The following SCAPER variants were observed in gnomAD, a reference collection of about 807,000 sequenced individuals.
The protein encoded by SCAPER is S-phase cyclin A associated protein in the ER.
Under a neutral mutation model 182.2 loss-of-function variants are expected in SCAPER, and 98 were observed. That is an observed-to-expected ratio of 0.54 (90% CI 0.46 to 0.64). SCAPER has a LOEUF of 0.64. SCAPER is among the 30% of genes least tolerant of loss of function. The probability of loss-of-function intolerance (pLI) is 0.00; values close to 1 mark genes in which losing one functional copy is unlikely to be tolerated. For missense variants in SCAPER, 1,432 were observed against 1,690.0 expected (o/e 0.85, Z 2.68); for synonymous variants, 605 against 564.6 (o/e 1.07, Z -1.01).
At chr15:76,771,318 T>C (rs1351869200) in intron 10 of SCAPER, among the ~76,000 whole-genome samples, 1 of 152,088 alleles carries the variant, frequency 6.6e-6, no homozygotes, top group African/African-American at 2.4e-5. Context: ...ATAAATTTCA[T>C]CTTAAAGACC....
chr15:76,695,067 T>A (rs2058580751), intron 20 of SCAPER, among the ~76,000 whole-genome samples: 1 of 152,116 alleles, frequency 6.6e-6, no homozygotes. Flanking sequence ...ATTGATCAAA[T>A]TAAAACTGCA....
At chr15:76,361,096 C>T (rs2041381981) in intron 29 of SCAPER, among the ~76,000 whole-genome samples, 1 of 151,334 alleles carries the variant, frequency 6.6e-6, no homozygotes, top group Non-Finnish European at 1.5e-5. Context: ...GCAAATTCTC[C>T]TGGAGAGAGT....
intron 20 of SCAPER, among the ~76,000 whole-genome samples, chr15:76,698,241 T>TGA (rs1598228530): frequency 6.6e-6 from 1 of 151,910 alleles, no homozygotes; most frequent in East Asian, 1.9e-4. Flanking sequence ...TTTACGAAGG[T>TGA]GAAATTGAGA....
intron 21 of SCAPER, among the ~76,000 whole-genome samples, chr15:76,649,108 G>A (rs916902265): frequency 6.6e-6 from 1 of 151,676 alleles, no homozygotes; most frequent in African/African-American, 2.4e-5. Flanking sequence ...CTGCAGGAGA[G>A]AGAGCTGTTC....
At chr15:76,860,131 A>G (rs2071759369) in intron 3 of SCAPER, among the ~76,000 whole-genome samples, 1 of 152,042 alleles carries the variant, frequency 6.6e-6, no homozygotes, top group Non-Finnish European at 1.5e-5. Flanking sequence ...TGATTATTAT[A>G]TTTTCTTTCC....
intron 23 of SCAPER, among the ~76,000 whole-genome samples, chr15:76,546,739 GCA>G (rs1427649863): frequency 6.6e-6 from 1 of 151,926 alleles, no homozygotes; most frequent in African/African-American, 2.4e-5. Flanking sequence ...CATAATGGTA[GCA>G]CACTGTAAGT....
At chr15:76,556,512 C>T (rs1265704271) in intron 23 of SCAPER, among the ~76,000 whole-genome samples, 2 of 152,074 alleles carry the variant, frequency 1.3e-5, no homozygotes, top group Non-Finnish European at 2.9e-5. Flanking sequence ...AGAGATGATC[C>T]AAATAAATGC....
chr15:76,827,558 G>GA (rs555674004), intron 5 of SCAPER, among the ~76,000 whole-genome samples: 1 of 151,766 alleles, frequency 6.6e-6, no homozygotes, highest in South Asian at 2.1e-4. Context: ...ACTATAAAAA[G>GA]AAAAAAACTA....
chr15:76,807,367 T>C (rs1311319180), intron 5 of SCAPER, among the ~76,000 whole-genome samples: 2 of 152,226 alleles, frequency 1.3e-5, no homozygotes, highest in African/African-American at 4.8e-5. Context: ...TTTCATATGC[T>C]CAACCACTCT....
At chr15:76,545,384 A>G (rs1369116258) in intron 23 of SCAPER, among the ~76,000 whole-genome samples, 1 of 152,150 alleles carries the variant, frequency 6.6e-6, no homozygotes, top group East Asian at 1.9e-4. Flanking sequence ...TCATTTTAAG[A>G]AGAATACTTA....
At chr15:76,379,489 C>T (rs2042793426) in intron 28 of SCAPER, among the ~76,000 whole-genome samples, 1 of 151,216 alleles carries the variant, frequency 6.6e-6, no homozygotes. Context: ...TCTTTTTATC[C>T]CTAGAGACCC....
At chr15:76,861,214 C>A (rs1351558249) in intron 3 of SCAPER, among the ~76,000 whole-genome samples, 1 of 152,150 alleles carries the variant, frequency 6.6e-6, no homozygotes, top group East Asian at 1.9e-4. Flanking sequence ...TGTACTGTTT[C>A]AACAAAAACA....
chr15:76,436,266 C>T (rs544235017), intron 25 of SCAPER, among the ~76,000 whole-genome samples: 25 of 152,262 alleles, frequency 1.6e-4, no homozygotes, highest in Middle Eastern at 3.4e-3. Flanking sequence ...CAGGGTTTCA[C>T]CATGTTGGCC....
At position 76,439,764 on chromosome 15, in the gene SCAPER, A is replaced by AGG. The variant is rs371803164; in HGVS notation, c.3079-5455_3079-5454insCC. Among the ~76,000 whole-genome samples, 55 of 152,274 alleles carry AGG rather than the reference A, an allele frequency of 3.6e-4. 1 individual carries two copies. The East Asian group carries it at 8.7e-3, about 24-fold the overall frequency. On this transcript the variant is annotated intron_variant, in intron 25 of 31. Transcript: ENST00000563290. ...GTCTGTGGAGGGGCAGGGGAAGGTT[A>AGG]CCTTCCCAGCATGCATCAGTGTTTG...
At chr15:76,592,127 T>C (rs1246026078) in intron 22 of SCAPER, among the ~76,000 whole-genome samples, 3 of 147,642 alleles carry the variant, frequency 2.0e-5, no homozygotes, top group African/African-American at 7.6e-5. Flanking sequence ...CTATGTTATA[T>C]ATATAGAGAG....
chr15:76,834,087 A>C (rs548130334), intron 5 of SCAPER, among the ~76,000 whole-genome samples: 3 of 152,234 alleles, frequency 2.0e-5, no homozygotes, highest in African/African-American at 4.8e-5. Context: ...ATACTCTAAG[A>C]TGAACCACAC....
At chr15:76,710,819 T>C (rs2059523750) in intron 17 of SCAPER, among the ~76,000 whole-genome samples, 1 of 152,142 alleles carries the variant, frequency 6.6e-6, no homozygotes, top group African/African-American at 2.4e-5. Context: ...GGAGTATTTA[T>C]ACTAATTTCA....
chr15:76,846,101 C>CA (rs1356884145), intron 4 of SCAPER, among the ~76,000 whole-genome samples: 1 of 151,998 alleles, frequency 6.6e-6, no homozygotes, highest in Non-Finnish European at 1.5e-5. Context: ...GGGGAAAAGA[C>CA]AGTCTCTTCA....
At chr15:76,795,737 A>G (rs932370804) in intron 7 of SCAPER, among the ~76,000 whole-genome samples, 2 of 152,196 alleles carry the variant, frequency 1.3e-5, no homozygotes, top group African/African-American at 4.8e-5. Flanking sequence ...TAGGTACCTT[A>G]AAGTTTTCAT....
Sources: gnomAD v4.1 joint callset for allele counts (sites outside exome capture counted in the v4.1 genomes callset) on GRCh38, gnomAD v4.1.1 for gene constraint, MANE v1.5 for transcripts, NCBI Gene and HGNC (gene_info 2026-07-23, HGNC 2026-07-21) for gene names.